SH3RF3: variants seen among roughly 807,000 people sequenced by gnomAD.
The protein encoded by SH3RF3 is E3 ubiquitin-protein ligase SH3RF3.
SH3RF3 carries 29 observed loss-of-function variants against 66.3 expected under a neutral mutation model. The observed-to-expected ratio is 0.44, with a 90% CI of 0.33 to 0.60. SH3RF3 has a LOEUF of 0.60. Ranked by LOEUF, SH3RF3 falls within the 20% of genes least tolerant of loss-of-function variation. The pLI, the probability that SH3RF3 is intolerant of heterozygous loss-of-function variation, is 0.04. For synonymous variants in SH3RF3, 583 were observed against 532.0 expected (o/e 1.10, Z -1.32); for missense variants, 1,194 against 1,190.9 (o/e 1.00, Z -0.04).
chr2:109,411,570 C>T (rs988221634), intron 4 of SH3RF3, among the ~76,000 whole-genome samples: 2 of 152,184 alleles, frequency 1.3e-5, no homozygotes, highest in African/African-American at 4.8e-5. Flanking sequence ...CCATCAGCAT[C>T]GGGAAGCCAC....
intron 4 of SH3RF3, among the ~76,000 whole-genome samples, chr2:109,399,419 C>T (rs1310820186): frequency 1.3e-5 from 2 of 151,778 alleles, no homozygotes; most frequent in Non-Finnish European, 1.5e-5. Context: ...TCTACAGATA[C>T]CTTCTATTTC....
intron 1 of SH3RF3, among the ~76,000 whole-genome samples, chr2:109,305,051 G>A (rs763720846): frequency 2.0e-5 from 3 of 152,158 alleles, no homozygotes; most frequent in Non-Finnish European, 4.4e-5. Context: ...GGTTTGTTGC[G>A]GTTCCCCGTC....
intron 8 of SH3RF3, among the ~76,000 whole-genome samples, chr2:109,478,884 G>A (rs1282187838): frequency 6.6e-6 from 1 of 152,192 alleles, no homozygotes; most frequent in Non-Finnish European, 1.5e-5. Flanking sequence ...GTTTCTTTGT[G>A]AAACTCAGGG....
intron 1 of SH3RF3, among the ~76,000 whole-genome samples, chr2:109,168,751 C>T (rs1249419020): frequency 6.6e-6 from 1 of 152,144 alleles, no homozygotes; most frequent in Non-Finnish European, 1.5e-5. Context: ...CACTGTTGGC[C>T]CTTCTCATTG....
intron 1 of SH3RF3, among the ~76,000 whole-genome samples, chr2:109,301,227 G>A (rs907498620): frequency 1.3e-5 from 2 of 152,118 alleles, no homozygotes; most frequent in Non-Finnish European, 2.9e-5. Flanking sequence ...GGGGTTTGCT[G>A]ATCTCTGTGC....
At chr2:109,360,622 C>T (rs1325140879) in intron 2 of SH3RF3, among the ~76,000 whole-genome samples, 1 of 152,192 alleles carries the variant, frequency 6.6e-6, no homozygotes, top group Non-Finnish European at 1.5e-5. Context: ...ATAAAAGATA[C>T]TCAGCCTGTA....
intron 7 of SH3RF3, among the ~76,000 whole-genome samples, chr2:109,437,429 A>T (rs918901778): frequency 6.6e-6 from 1 of 152,072 alleles, no homozygotes; most frequent in African/African-American, 2.4e-5. Flanking sequence ...CATGTTACCC[A>T]TCCTGGCAGC....
In SH3RF3 at chr2:109,449,157, A is replaced by G. The variant is rs1334417897; in HGVS notation, c.1829-13A>G. The G allele has an allele frequency of 1.2e-6, 2 of 1,611,482 alleles. No homozygotes were observed. Among genetic ancestry groups the G allele is most frequent in the Admixed American group, 1.7e-5 (1 of 59,716 alleles). On this transcript the variant is annotated splice_polypyrimidine_tract_variant and intron_variant, in intron 7 of 9. Transcript: ENST00000309415. ...AACCTTTCAACCTGCTGTCTCTCCAACCCCGTCTCCAGCTGCCCACTCTGC... is the reference window on the plus strand; with the variant it reads ...AACCTTTCAACCTGCTGTCTCTCCAGCCCCGTCTCCAGCTGCCCACTCTGC...
chr2:109,167,349 A>G (rs998299720), intron 1 of SH3RF3, among the ~76,000 whole-genome samples: 6 of 152,214 alleles, frequency 3.9e-5, no homozygotes, highest in Non-Finnish European at 8.8e-5. Flanking sequence ...TGGAACATGA[A>G]TTGAATTATT....
At chr2:109,297,691 C>A (rs1399785314) in intron 1 of SH3RF3, among the ~76,000 whole-genome samples, 1 of 150,794 alleles carries the variant, frequency 6.6e-6, no homozygotes, top group Non-Finnish European at 1.5e-5. Flanking sequence ...TGGGCCAATG[C>A]CCCCCATTCT....
chr2:109,133,540 T>C (rs1676745597), intron 1 of SH3RF3, among the ~76,000 whole-genome samples: 1 of 152,200 alleles, frequency 6.6e-6, no homozygotes, highest in Admixed American at 6.5e-5. Flanking sequence ...TTTATGATTT[T>C]CTATTTGTTT....
In SH3RF3 at chr2:109,129,496, C is replaced by G; in HGVS notation, c.-45C>G. On this transcript the variant is annotated 5_prime_UTR_variant, in exon 1 of 10. Coordinates refer to ENST00000309415, the MANE Select transcript of SH3RF3 (RefSeq NM_001099289.3). ...GCCGGTGGCGGGCTCCACGCCGGCC[C>G]CGGGACCTAGGCAGCCGCGCGAGAC... 6.0e-6 allele frequency: 9 copies of G among 1,495,296 alleles called. No homozygotes were observed. The highest frequency in any genetic ancestry group is 8.0e-6 in the Non-Finnish European group (9 of 1,128,454). 92.6% of individuals were successfully genotyped at this position (1,495,296 alleles called of 1,614,324 possible). A position where few individuals can be genotyped will look rare whatever the true frequency, so the allele number is the denominator to read the frequency against.
At chr2:109,144,865 T>C (rs1277593068) in intron 1 of SH3RF3, among the ~76,000 whole-genome samples, 2 of 152,184 alleles carry the variant, frequency 1.3e-5, no homozygotes, top group African/African-American at 4.8e-5. Context: ...ATGGTGGGAA[T>C]AGGCCTCGCT....
At chr2:109,325,618 T>C (rs1400241991) in intron 1 of SH3RF3, among the ~76,000 whole-genome samples, 2 of 152,138 alleles carry the variant, frequency 1.3e-5, no homozygotes, top group Admixed American at 1.3e-4. Context: ...CAGAACTCAC[T>C]CACCACTTCC....
intron 1 of SH3RF3, among the ~76,000 whole-genome samples, chr2:109,326,487 C>T (rs1467612339): frequency 2.0e-5 from 3 of 152,200 alleles, no homozygotes; most frequent in African/African-American, 7.2e-5. Flanking sequence ...ACGTTTCCTT[C>T]TGCGCCCTTG....
intron 1 of SH3RF3, among the ~76,000 whole-genome samples, chr2:109,142,232 C>T (rs911548280): frequency 6.6e-6 from 1 of 152,164 alleles, no homozygotes; most frequent in African/African-American, 2.4e-5. Context: ...TGTGCATTTC[C>T]AGTTCTTTGC....
chr2:109,352,556 G>A (rs1278955753), intron 2 of SH3RF3, among the ~76,000 whole-genome samples: 1 of 152,230 alleles, frequency 6.6e-6, no homozygotes, highest in Non-Finnish European at 1.5e-5. Flanking sequence ...GGAAACTTTA[G>A]CTTTACCTCT....
intron 2 of SH3RF3, among the ~76,000 whole-genome samples, chr2:109,366,499 C>T (rs1013543782): frequency 3.3e-5 from 5 of 152,110 alleles, no homozygotes; most frequent in Non-Finnish European, 2.9e-5. Flanking sequence ...CGTTTATGCA[C>T]GTATACATAT....
At chr2:109,230,170 T>C (rs182364499) in intron 1 of SH3RF3, among the ~76,000 whole-genome samples, 149 of 152,232 alleles carry the variant, frequency 9.8e-4, no homozygotes, top group Non-Finnish European at 1.6e-3. Flanking sequence ...GTCGTATGGA[T>C]ATACTATATA....
Sources: gnomAD v4.1 joint callset for allele counts (sites outside exome capture counted in the v4.1 genomes callset) on GRCh38, gnomAD v4.1.1 for gene constraint, MANE v1.5 for transcripts, NCBI Gene and HGNC (gene_info 2026-07-23, HGNC 2026-07-21) for gene names.